YEATS2: variants seen among roughly 807,000 people sequenced by gnomAD.
YEATS2 encodes YEATS domain-containing protein 2.
A neutral mutation model predicts 163.2 loss-of-function variants in YEATS2; 77 were observed. The observed-to-expected ratio is 0.47, with a 90% confidence interval of 0.39 to 0.57. The LOEUF (loss-of-function observed/expected upper bound fraction) is 0.57, where lower values mean the gene tolerates loss of function less well. Ranked by LOEUF, YEATS2 falls within the 20% of genes least tolerant of loss-of-function variation. The pLI is 0.00. For synonymous variants in YEATS2, 631 were observed against 645.1 expected, an observed-to-expected ratio of 0.98 and a Z score of 0.33; for missense variants, 1,549 against 1,729.8, an observed-to-expected ratio of 0.90 and a Z score of 1.85.
chr3:183,735,344 C>T (rs948293606), intron 7 of YEATS2, among the ~76,000 whole-genome samples: 1 of 152,190 alleles, frequency 6.6e-6, no homozygotes, highest in South Asian at 2.1e-4. Context: ...CTGTGGGTCC[C>T]GTTTCAGACT....
Position 183,752,112 on chromosome 3 carries a change from G to T in YEATS2, c.1009G>T (p.Asp337Tyr). 6.2e-7 allele frequency: 1 copy of T among 1,614,122 alleles called. No individual in the cohort carries two copies. The highest frequency in any genetic ancestry group is 1.1e-5 in the South Asian group (1 of 91,082). ...ACTCCATCGCCATTCTCTCGGAGAA[G>T]ACTGTATCTATCCTCAGTCCTCGGA... ...VELHRHSLGE[D>Y]CIYPQSSESD... The change falls in exon 10 of 31, where the codon GAC (aspartate) becomes TAC (tyrosine). Residue 337 changes from aspartate to tyrosine, a missense_variant. Coordinates refer to ENST00000305135, the MANE Select transcript of YEATS2 (RefSeq NM_018023.5).
intron 17 of YEATS2, among the ~76,000 whole-genome samples, chr3:183,775,593 C>T (rs910910216): frequency 1.3e-5 from 2 of 152,056 alleles, no homozygotes; most frequent in Non-Finnish European, 2.9e-5. Context: ...GACTCCGTCT[C>T]AAAAAAATAC....
At chr3:183,784,925 T>G (rs1195548072) in intron 19 of YEATS2, among the ~76,000 whole-genome samples, 1 of 151,712 alleles carries the variant, frequency 6.6e-6, no homozygotes, top group East Asian at 2.0e-4. Flanking sequence ...AGTACAAAAT[T>G]AGCCAGGCAT....
intron 22 of YEATS2, among the ~76,000 whole-genome samples, chr3:183,798,357 CT>C (rs547245101): frequency 1.3e-5 from 2 of 152,016 alleles, no homozygotes; most frequent in Non-Finnish European, 1.5e-5. Context: ...TGTTGTTTTC[CT>C]TTCCTTTTCT....
intron 15 of YEATS2, among the ~76,000 whole-genome samples, chr3:183,768,487 G>C (rs748652104): frequency 5.3e-5 from 8 of 152,120 alleles, no homozygotes; most frequent in Non-Finnish European, 1.2e-4. Flanking sequence ...AGATATTGGG[G>C]TTCAACTAGC....
chr3:183,726,410 C>T (rs2109088250), intron 6 of YEATS2, among the ~76,000 whole-genome samples: 1 of 152,300 alleles, frequency 6.6e-6, no homozygotes, highest in South Asian at 2.1e-4. Flanking sequence ...CCTCCAAGCT[C>T]CAGAGCCATG....
In YEATS2 at chr3:183,810,465, T is replaced by C; in HGVS notation, c.4161-10T>C. 6.2e-7 allele frequency: 1 copy of C among 1,611,552 alleles called. No homozygotes were observed. The highest frequency in any genetic ancestry group is 8.5e-7 in the Non-Finnish European group (1 of 1,177,802). Reference sequence around the variant, plus strand: ...TTTCACCTGGTAACACCCTTTGTTTTTTGGACCAGGATTCCCAAAGAAATT... The same window carrying C: ...TTTCACCTGGTAACACCCTTTGTTTCTTGGACCAGGATTCCCAAAGAAATT... On this transcript the variant is annotated splice_polypyrimidine_tract_variant and intron_variant, in intron 30 of 30. Coordinates refer to ENST00000305135, the MANE Select transcript of YEATS2 (RefSeq NM_018023.5).
intron 8 of YEATS2, among the ~76,000 whole-genome samples, chr3:183,741,597 C>T (rs948898974): frequency 3.3e-5 from 5 of 151,632 alleles, no homozygotes; most frequent in East Asian, 2.0e-4. Context: ...GCCTGGCCAA[C>T]GTGGCAAAAC....
chr3:183,804,776 A>G (rs888796681), intron 27 of YEATS2, among the ~76,000 whole-genome samples: 3 of 150,640 alleles, frequency 2.0e-5, no homozygotes, highest in Non-Finnish European at 4.4e-5. Flanking sequence ...TCATGAGGTC[A>G]GGAGTTCAAG....
At chr3:183,717,608 C>T (rs1460301109) in intron 2 of YEATS2, 43 bp from the exon 3 acceptor site, 1 of 1,380,672 alleles carries the variant, frequency 7.2e-7, no homozygotes, top group East Asian at 2.6e-5. Context: ...AAGACAGTCA[C>T]TGATTAATTA....
At position 183,737,679 on chromosome 3, in the gene YEATS2, C is replaced by T. The variant is rs560523366; in HGVS notation, c.924+850C>T. Among the ~76,000 whole-genome samples the T allele has an allele frequency of 2.0e-5, 3 of 152,288 alleles. No individual in the cohort carries two copies. In the South Asian group the frequency reaches 6.2e-4, roughly 32 times the overall value. ...TAAAGTACTATACAAGATTATAATG[C>T]TTTTGTATTGTAAGAAATCCTTTAA... On this transcript the variant is annotated intron_variant, in intron 8 of 30. Transcript: ENST00000305135.
chr3:183,725,568 A>G (rs1022364381), intron 6 of YEATS2, among the ~76,000 whole-genome samples: 6 of 152,262 alleles, frequency 3.9e-5, no homozygotes, highest in African/African-American at 1.4e-4. Context: ...GAGGCAGGCA[A>G]GAGAGCTTGT....
chr3:183,738,550 CCCT>C (rs1194280033), intron 8 of YEATS2, among the ~76,000 whole-genome samples: 56 of 105,820 alleles, frequency 5.3e-4, no homozygotes, highest in Admixed American at 4.1e-4. Flanking sequence ...TATCCCTCCC[CCCT>C]CCCCCCACCC....
At chr3:183,714,842 A>G (rs1377634878) in intron 1 of YEATS2, among the ~76,000 whole-genome samples, 2 of 151,752 alleles carry the variant, frequency 1.3e-5, no homozygotes, top group African/African-American at 4.8e-5. Flanking sequence ...AGTCTGAACA[A>G]TGTGCTACTT....
At chr3:183,699,827 T>A (rs375016656) in intron 1 of YEATS2, among the ~76,000 whole-genome samples, 19 of 152,278 alleles carry the variant, frequency 1.2e-4, no homozygotes, top group Middle Eastern at 3.4e-3. Flanking sequence ...TTCTGAGATG[T>A]TCATTAAGAT....
chr3:183,805,380 A>G (rs1268647722), intron 27 of YEATS2, among the ~76,000 whole-genome samples: 2 of 152,142 alleles, frequency 1.3e-5, no homozygotes, highest in Non-Finnish European at 2.9e-5. Flanking sequence ...AGCCTGGGCA[A>G]CAGAGCCAGG....
chr3:183,756,692 G>A lies in YEATS2; in HGVS notation c.1552+3G>A. ...TGGAGCCACCACTCCCAGTACAGGT[G>A]TGTATTAGATCCATATTTGTACCAT... On this transcript the variant is annotated splice_donor_region_variant and intron_variant, in intron 12 of 30. Transcript: ENST00000305135. The A allele has an allele frequency of 6.4e-7, 1 of 1,552,320 alleles. No individual in the cohort carries two copies. The highest frequency in any genetic ancestry group is 8.7e-7 in the Non-Finnish European group (1 of 1,149,892).
Position 183,700,387 on chromosome 3 carries a change from T to A in YEATS2, c.-20+2394T>A, listed in dbSNP as rs559516738. Among the ~76,000 whole-genome samples, 1,426 of 152,264 alleles carry A rather than the reference T, an allele frequency of 9.4e-3. 10 individuals carry two copies. The highest frequency in any genetic ancestry group is 0.02 in the Middle Eastern group (6 of 294). On this transcript the variant is annotated intron_variant, in intron 1 of 30. Coordinates refer to ENST00000305135, the MANE Select transcript of YEATS2 (RefSeq NM_018023.5). The stretch of plus-strand genomic sequence containing the variant: ...CTTAGAATAGATTCTCAGAAATAGT[T>A]GGTCCTGTCCTCTTCTCATCAACTA...
At chr3:183,717,594 A>C in intron 2 of YEATS2, 57 bp from the exon 3 acceptor site, 1 of 1,302,240 alleles carries the variant, frequency 7.7e-7, no homozygotes, top group South Asian at 1.4e-5. Flanking sequence ...TGCTGACTTA[A>C]ATAAAGACAG....
Sources: gnomAD v4.1 joint callset for allele counts (sites outside exome capture counted in the v4.1 genomes callset) on GRCh38, gnomAD v4.1.1 for gene constraint, MANE v1.5 for transcripts, NCBI Gene and HGNC (gene_info 2026-07-23, HGNC 2026-07-21) for gene names.